The following EYS variants were observed in gnomAD, a reference collection of about 807,000 sequenced individuals.
The protein encoded by EYS is EGF-like photoreceptor maintenance factor, also known as protein eyes shut homolog.
In EYS, 250 loss-of-function variants were observed where a neutral mutation model predicts 282.1. The ratio of observed to expected loss-of-function variants is 0.89; its 90% CI spans 0.80 to 0.98. EYS has a LOEUF of 0.98. EYS is among the 50% of genes least tolerant of loss of function. EYS has a pLI of 0.00. For missense variants in EYS, 4,016 were observed against 3,709.0 expected (o/e 1.08, Z -2.15); for synonymous variants, 1,355 against 1,282.9 (o/e 1.06, Z -1.20).
At chr6:65,273,329 A>G (rs1767954026) in intron 12 of EYS, among the ~76,000 whole-genome samples, 1 of 152,186 alleles carries the variant, frequency 6.6e-6, no homozygotes, top group Non-Finnish European at 1.5e-5. Flanking sequence ...AAGTGACTCC[A>G]CAGCCTTTTA....
At chr6:64,666,230 C>T (rs1450764499) in intron 22 of EYS, among the ~76,000 whole-genome samples, 4 of 152,150 alleles carry the variant, frequency 2.6e-5, no homozygotes, top group African/African-American at 9.7e-5. Flanking sequence ...AAGTGTACCC[C>T]CAAACCTAAA....
At chr6:64,284,361 CA>C (rs1301247641) in intron 30 of EYS, among the ~76,000 whole-genome samples, 1 of 152,198 alleles carries the variant, frequency 6.6e-6, no homozygotes, top group African/African-American at 2.4e-5. Flanking sequence ...CCAGGTCTCA[CA>C]TCCAGGTCAT....
At chr6:64,639,943 C>T (rs1188417558) in intron 22 of EYS, among the ~76,000 whole-genome samples, 2 of 137,050 alleles carry the variant, frequency 1.5e-5, no homozygotes, top group Non-Finnish European at 3.1e-5. Flanking sequence ...GACATTTATG[C>T]AGCCAAAAGA....
intron 30 of EYS, among the ~76,000 whole-genome samples, chr6:64,238,105 A>T (rs748339121): frequency 3.3e-5 from 5 of 152,166 alleles, no homozygotes; most frequent in Non-Finnish European, 7.3e-5. Flanking sequence ...ATTTTAATGG[A>T]TCTTGTTTTC....
chr6:63,824,187 A>G (rs1041148194), intron 36 of EYS, among the ~76,000 whole-genome samples: 1 of 152,252 alleles, frequency 6.6e-6, no homozygotes, highest in Non-Finnish European at 1.5e-5. Flanking sequence ...ATTGAGGGAC[A>G]TAAAGTAAAT....
chr6:64,327,849 C>A (rs935406981), intron 29 of EYS, among the ~76,000 whole-genome samples: 1 of 152,102 alleles, frequency 6.6e-6, no homozygotes, highest in Non-Finnish European at 1.5e-5. Flanking sequence ...CCCCAGCTGC[C>A]CCCAGAGGTT....
chr6:64,452,706 A>T (rs1275888604), intron 26 of EYS, among the ~76,000 whole-genome samples: 1 of 152,194 alleles, frequency 6.6e-6, no homozygotes, highest in African/African-American at 2.4e-5. Flanking sequence ...ATAATGCCGC[A>T]TATCTACAAC....
intron 5 of EYS, among the ~76,000 whole-genome samples, chr6:65,430,285 G>C (rs1767834015): frequency 6.6e-6 from 1 of 152,086 alleles, no homozygotes; most frequent in Admixed American, 6.5e-5. Flanking sequence ...TGTTAGAGCA[G>C]AAAGAAAAAC....
At chr6:65,288,771 A>G (rs112228842) in intron 12 of EYS, among the ~76,000 whole-genome samples, 2,233 of 151,280 alleles carry the variant, frequency 0.015, 49 homozygotes, top group African/African-American at 0.051. Context: ...GATATATGGA[A>G]TAATACATAT....
intron 35 of EYS, among the ~76,000 whole-genome samples, chr6:63,908,726 C>T (rs971194026): frequency 6.6e-6 from 1 of 152,188 alleles, no homozygotes; most frequent in Non-Finnish European, 1.5e-5. Context: ...GCTGGGATTA[C>T]AGATGTTAGC....
chr6:65,400,014 T>C (rs1376496689), intron 7 of EYS, among the ~76,000 whole-genome samples: 1 of 152,024 alleles, frequency 6.6e-6, no homozygotes, highest in East Asian at 1.9e-4. Context: ...TCAGTGTTAA[T>C]CTTAAGTGCA....
At chr6:65,544,576 G>A (rs138325953) in intron 2 of EYS, among the ~76,000 whole-genome samples, 142 of 152,030 alleles carry the variant, frequency 9.3e-4, no homozygotes, top group Non-Finnish European at 1.2e-3. Context: ...TTCCCCTTCC[G>A]CCATGATTGT....
intron 33 of EYS, among the ~76,000 whole-genome samples, chr6:64,052,787 TA>T: frequency 6.6e-6 from 1 of 152,274 alleles, no homozygotes; most frequent in South Asian, 2.1e-4. Context: ...GATGGTTTTA[TA>T]AGCGTCTGGC....
At chr6:65,445,778 A>T (rs1768630351) in intron 5 of EYS, among the ~76,000 whole-genome samples, 1 of 151,798 alleles carries the variant, frequency 6.6e-6, no homozygotes, top group Non-Finnish European at 1.5e-5. Context: ...ATTCAGTTCT[A>T]CTTTATTGAT....
chr6:63,864,975 C>G (rs1174472677), intron 35 of EYS, among the ~76,000 whole-genome samples: 6 of 152,212 alleles, frequency 3.9e-5, no homozygotes, highest in Non-Finnish European at 1.5e-5. Context: ...GGAGAAGTGA[C>G]TTGGAGTTTG....
chr6:65,675,276 T>C (rs1459438859), intron 1 of EYS, among the ~76,000 whole-genome samples: 1 of 151,488 alleles, frequency 6.6e-6, no homozygotes, highest in Non-Finnish European at 1.5e-5. Flanking sequence ...ATTTTAAATA[T>C]AAACAAATTA....
chr6:64,489,195 G>T (rs1410568708), intron 26 of EYS, among the ~76,000 whole-genome samples: 1 of 150,760 alleles, frequency 6.6e-6, no homozygotes, highest in East Asian at 1.9e-4. Context: ...AAGAAAATAT[G>T]TTCACAGGTT....
intron 26 of EYS, among the ~76,000 whole-genome samples, chr6:64,499,611 C>T (rs773566503): frequency 5.9e-4 from 90 of 151,994 alleles, no homozygotes; most frequent in Non-Finnish European, 9.3e-4. Flanking sequence ...ATGATCTGCT[C>T]ATATCCTACC....
chr6:64,445,513 A>G (rs1775091758), intron 26 of EYS, among the ~76,000 whole-genome samples: 1 of 152,146 alleles, frequency 6.6e-6, no homozygotes, highest in Admixed American at 6.5e-5. Flanking sequence ...TCTAATTCCA[A>G]ATAGTTTCAG....
Sources: gnomAD v4.1 joint callset for allele counts (sites outside exome capture counted in the v4.1 genomes callset) on GRCh38, gnomAD v4.1.1 for gene constraint, MANE v1.5 for transcripts, NCBI Gene and HGNC (gene_info 2026-07-23, HGNC 2026-07-21) for gene names.